Variants in SNHG17 observed in about 807,000 individuals in gnomAD.
The protein encoded by SNHG17 is small nucleolar RNA host gene 17 (non-protein coding).
At chr20:38,433,932 C>G (rs766649388) in intron 2 of SNHG17, 6 of 519,076 alleles carry the variant, frequency 1.2e-5, no homozygotes, top group Non-Finnish European at 2.3e-5. Context: ...GCACTTTCCG[C>G]GATTTCTCTC....
At chr20:38,422,583 T>C (rs940776794) in intron 5 of SNHG17, among the ~76,000 whole-genome samples, 2 of 152,168 alleles carry the variant, frequency 1.3e-5, no homozygotes, top group Non-Finnish European at 2.9e-5. Context: ...ATACATTACA[T>C]AGACCCAGCT....
rs199992489 is a variant in SNHG17, at chr20:38,427,358, C to T, written n.381-855G>A. 61 of 518,514 alleles carry T rather than the reference C, an allele frequency of 1.2e-4. 1 individual carries two copies. In the East Asian group the frequency reaches 1.3e-3, roughly 11 times the overall value. The allele number at this position is 518,514 out of a possible 1,614,324, so 32.1% of individuals were successfully genotyped here. ...TGGGATAGGGTGGACCCTCCAAACA[C>T]GGGGACAACCTCTTTCAGCGTTCCT... On this transcript the variant is annotated intron_variant and non_coding_transcript_variant, in intron 3 of 8. Transcript: ENST00000654008.
Position 38,435,174 on chromosome 20 carries a change from C to T in SNHG17, n.185+23G>A, listed in dbSNP as rs1390602070. 6.5e-6 allele frequency: 8 copies of T among 1,232,168 alleles called. 1 individual carries two copies. The allele number at this position is 1,232,168 out of a possible 1,614,324, so 76.3% of individuals were successfully genotyped here. ...CCCCGATGGTGAGAGTGGAGCCGACCATGCGCCCTGCTGTGGACTCACCCG... is the reference window on the plus strand; with the variant it reads ...CCCCGATGGTGAGAGTGGAGCCGACTATGCGCCCTGCTGTGGACTCACCCG... On this transcript the variant is annotated intron_variant and non_coding_transcript_variant, in intron 1 of 8. Transcript: ENST00000654008.
intron 1 of SNHG17, chr20:38,434,907 G>C (rs1264050264): frequency 1.6e-6 from 2 of 1,220,992 alleles, no homozygotes; most frequent in Admixed American, 8.6e-5. Context: ...TAAAGTCGCC[G>C]AGCCCTGTTT....
chr20:38,427,041 G>C (rs956213913), intron 3 of SNHG17, among the ~76,000 whole-genome samples: 1 of 140,266 alleles, frequency 7.1e-6, no homozygotes, highest in African/African-American at 3.0e-5. Flanking sequence ...CACGGGGTCA[G>C]CCCTGCTCAC....
exon 3 of SNHG17, chr20:38,431,057 C>G (rs1280511991): frequency 2.6e-5 from 4 of 152,344 alleles, no homozygotes; most frequent in Non-Finnish European, 5.9e-5. Flanking sequence ...CCTCAGGATC[C>G]ATGCTCTCCC....
chr20:38,431,932 C>T (rs1386302091), intron 2 of SNHG17: 1 of 883,860 alleles, frequency 1.1e-6, no homozygotes, highest in Non-Finnish European at 1.4e-6. Flanking sequence ...ACATCACGCC[C>T]AGGGAACCTG....
intron 2 of SNHG17, chr20:38,433,722 C>T: frequency 2.2e-6 from 1 of 454,210 alleles, no homozygotes; most frequent in South Asian, 1.6e-5. Flanking sequence ...GCTGTGGTTT[C>T]ACCACCAATC....
At chr20:38,425,202 C>T (rs764420882) in intron 5 of SNHG17, 34 of 518,968 alleles carry the variant, frequency 6.6e-5, no homozygotes, top group South Asian at 2.7e-4. Context: ...AAGGCATGTA[C>T]GAAAGCTCCA....
At chr20:38,435,286 G>A (rs184208202) in exon 1 of SNHG17, 291 of 1,231,760 alleles carry the variant, frequency 2.4e-4, no homozygotes, top group Non-Finnish European at 7.0e-5. Context: ...ATGGGGTGCG[G>A]TGGCGTGCGA....
intron 1 of SNHG17, chr20:38,435,067 C>G (rs1873847064): frequency 8.1e-7 from 1 of 1,231,860 alleles, no homozygotes; most frequent in Non-Finnish European, 1.0e-6. Context: ...TCCTGGGGGG[C>G]TCACTCCGGC....
At chr20:38,423,582 G>T (rs1229067626) in intron 5 of SNHG17, among the ~76,000 whole-genome samples, 1 of 146,252 alleles carries the variant, frequency 6.8e-6, no homozygotes. Context: ...AGCATACAAA[G>T]ATAGAGAATA....
rs150086489 is a variant in SNHG17 at position 38,435,014 on chromosome 20, G to A, written n.185+183C>T. The A allele has an allele frequency of 1.6e-3, 2,000 of 1,230,388 alleles. 34 individuals are homozygous for A. In the African/African-American group the frequency reaches 0.028, roughly 17 times the overall value. The allele number at this position is 1,230,388 out of a possible 1,614,324, so 76.2% of individuals were successfully genotyped here. ...GCCCGCTCAGCACTGCCGCGGCCAA[G>A]GGCGCGACTCACCTGCCAGTGTCTT... On this transcript the variant is annotated intron_variant and non_coding_transcript_variant, in intron 1 of 8. Coordinates refer to ENST00000654008, the Ensembl canonical transcript of SNHG17.
chr20:38,427,457 G>A, intron 3 of SNHG17: 1 of 512,502 alleles, frequency 2.0e-6, no homozygotes, highest in Non-Finnish European at 3.9e-6. Context: ...AAACAGACAG[G>A]AGAGCCAGGA....
At chr20:38,427,338 T>G in intron 3 of SNHG17, 1 of 517,418 alleles carries the variant, frequency 1.9e-6, no homozygotes, top group Non-Finnish European at 3.9e-6. Flanking sequence ...TCGGATGGGA[T>G]AGGGTGGACC....
chr20:38,433,488 T>G (rs1159557501), intron 2 of SNHG17, among the ~76,000 whole-genome samples: 2 of 152,070 alleles, frequency 1.3e-5, no homozygotes, highest in Non-Finnish European at 2.9e-5. Context: ...TCCCAGCTAT[T>G]TGGGAGGCTG....
intron 3 of SNHG17, chr20:38,429,720 C>T (rs41282828): frequency 2.7e-5 from 14 of 511,540 alleles, no homozygotes; most frequent in Middle Eastern, 3.2e-4. Context: ...CCTCCAAACA[C>T]GGGGAAGTGC....
chr20:38,429,371 C>T (rs1343349330), intron 3 of SNHG17: 1 of 188,952 alleles, frequency 5.3e-6, no homozygotes, highest in Non-Finnish European at 1.1e-5. Context: ...GAGACCACAG[C>T]AAAGAGAGCC....
At chr20:38,421,920 G>A (rs2084161549) in intron 6 of SNHG17, 1 of 152,224 alleles carries the variant, frequency 6.6e-6, no homozygotes. Flanking sequence ...GACACTTCCA[G>A]CATTAAAAAA....
Sources: allele counts gnomAD v4.1 joint callset (sites outside exome capture counted in the v4.1 genomes callset), GRCh38; gene constraint gnomAD v4.1.1; transcripts MANE v1.5; gene names NCBI Gene and HGNC (gene_info 2026-07-23, HGNC 2026-07-21).